The following RGS3 variants were observed in gnomAD, a reference collection of about 807,000 sequenced individuals.
RGS3 encodes regulator of G-protein signalling 3.
Under a neutral mutation model 132.6 loss-of-function variants are expected in RGS3, and 80 were observed. The ratio of observed to expected loss-of-function variants is 0.60; its 90% CI spans 0.50 to 0.73. The LOEUF is 0.73. RGS3 is among the 30% of genes least tolerant of loss of function. RGS3 has a pLI of 0.00. For missense variants in RGS3, 1,382 were observed against 1,530.8 expected, an observed-to-expected ratio of 0.90 and a Z score of 1.62; for synonymous variants, 598 against 620.6, an observed-to-expected ratio of 0.96 and a Z score of 0.54.
upstream of RGS3, among the ~76,000 whole-genome samples, chr9:113,455,849 C>T (rs551750083): frequency 3.3e-5 from 5 of 152,290 alleles, no homozygotes; most frequent in Non-Finnish European, 7.4e-5. Context: ...AGCATTCCAG[C>T]TGGTTAAATT....
chr9:113,515,323 CCTT>C (rs1404011329), intron 15 of RGS3, among the ~76,000 whole-genome samples: 2 of 151,532 alleles, frequency 1.3e-5, no homozygotes, highest in Admixed American at 6.6e-5. Context: ...ATTTATCTCT[CCTT>C]CTCTTTAAAA....
intron 3 of RGS3, among the ~76,000 whole-genome samples, chr9:113,465,069 C>T (rs1274080756): frequency 6.6e-6 from 1 of 151,776 alleles, no homozygotes; most frequent in Non-Finnish European, 1.5e-5. Flanking sequence ...ATTGCCATTC[C>T]TTATGCCAAG....
intron 19 of RGS3, among the ~76,000 whole-genome samples, chr9:113,575,095 A>G (rs1834452468): frequency 2.0e-5 from 3 of 152,128 alleles, no homozygotes; most frequent in Non-Finnish European, 2.9e-5. Flanking sequence ...CACCGTGCTG[A>G]AACCCAGACC....
chr9:113,503,762 C>T (rs1463319735), intron 10 of RGS3, among the ~76,000 whole-genome samples: 1 of 152,172 alleles, frequency 6.6e-6, no homozygotes, highest in Non-Finnish European at 1.5e-5. Context: ...TGAGGGTTGG[C>T]TTGTGAGGCC....
At chr9:113,483,180 C>A in intron 5 of RGS3, 63 bp downstream of exon 3, 3 of 1,189,220 alleles carry the variant, frequency 2.5e-6, no homozygotes, top group Non-Finnish European at 1.2e-6. Flanking sequence ...GGGCTCAGTC[C>A]CAAGGTCCCA....
At chr9:113,562,492 A>G (rs990942375) in intron 19 of RGS3, among the ~76,000 whole-genome samples, 1 of 152,038 alleles carries the variant, frequency 6.6e-6, no homozygotes, top group Non-Finnish European at 1.5e-5. Context: ...AAAAAAAAAA[A>G]AAAGAAATCA....
In RGS3 at chr9:113,591,638, G is replaced by A; in HGVS notation, c.3080+241G>A. 1 of 506,508 alleles carries A rather than the reference G, an allele frequency of 2.0e-6. No homozygotes were observed. The highest frequency in any genetic ancestry group is 2.3e-5 in the South Asian group (1 of 43,484). 31.4% of individuals were successfully genotyped at this position (506,508 alleles called of 1,614,324 possible). ...GCTGATTCAGTACCCGGAAGCCACA[G>A]TGAACCAGAAGCAACCAGCCCGTTT... On this transcript the variant is annotated intron_variant, in intron 21 of 24. Transcript: ENST00000350696. This position sits in a 1 kb window ranked among gnomAD's most constrained non-coding sequence, Gnocchi z 4.4.
At chr9:113,541,615 G>A in intron 19 of RGS3, 1 of 1,259,946 alleles carries the variant, frequency 7.9e-7, no homozygotes, top group Non-Finnish European at 1.0e-6. Flanking sequence ...GGTGTGAGAG[G>A]CCTTGTGGGC....
At chr9:113,454,349 T>G (rs559654344) in intron 1 of RGS3, among the ~76,000 whole-genome samples, 1 of 152,312 alleles carries the variant, frequency 6.6e-6, no homozygotes, top group East Asian at 1.9e-4. Context: ...GGTGCATGCC[T>G]GTAATCCCAG....
At chr9:113,568,841 C>T (rs1834125977) in intron 19 of RGS3, among the ~76,000 whole-genome samples, 1 of 152,224 alleles carries the variant, frequency 6.6e-6, no homozygotes, top group African/African-American at 2.4e-5. Flanking sequence ...CCTGCCCCTG[C>T]ACAACCAGCT....
rs754559526 is a variant in RGS3, at chr9:113,584,134, G to A, written c.2722G>A (p.Gly908Arg). The change falls in exon 20 of 25, where the codon GGA (glycine) becomes AGA (arginine). Residue 908 changes from glycine to arginine, a missense_variant. Transcript: ENST00000350696. ...TGAGGACACCAGCGATGACAACTAC[G>A]GAGAGCGCAGTGAGGCCAAGCGCAG... 49 of 1,614,132 alleles carry A rather than the reference G, an allele frequency of 3.0e-5. No individual in the cohort carries two copies. The highest frequency in any genetic ancestry group is 1.6e-4 in the Middle Eastern group (1 of 6,084).
In RGS3 at chr9:113,591,452, C is replaced by A; in HGVS notation, c.3080+55C>A. ...CTCCTCTTCCTCCCTTGCCCCAGGGCTTGTCTCTCCTCTAGGGGTCCAGGT... is the reference window on the plus strand; with the variant it reads ...CTCCTCTTCCTCCCTTGCCCCAGGGATTGTCTCTCCTCTAGGGGTCCAGGT... On this transcript the variant is annotated intron_variant, in intron 21 of 24. Transcript: ENST00000350696. This position sits in a 1 kb window ranked among gnomAD's most constrained non-coding sequence, Gnocchi z 4.4. The A allele has an allele frequency of 1.3e-6, 2 of 1,483,916 alleles. No homozygotes were observed. The highest frequency in any genetic ancestry group is 1.1e-5 in the South Asian group (1 of 88,390). The allele number at this position is 1,483,916 out of a possible 1,614,324, so 91.9% of individuals were successfully genotyped here. A position where few individuals can be genotyped will look rare whatever the true frequency, so the allele number is the denominator to read the frequency against.
intron 19 of RGS3, among the ~76,000 whole-genome samples, chr9:113,569,093 G>C (rs546924344): frequency 6.6e-6 from 1 of 152,328 alleles, no homozygotes; most frequent in African/African-American, 2.4e-5. Context: ...GGGCCAGCCC[G>C]CTTGCACCTG....
intron 3 of RGS3, among the ~76,000 whole-genome samples, chr9:113,464,621 G>A (rs1464634174): frequency 1.3e-5 from 2 of 152,200 alleles, no homozygotes; most frequent in Non-Finnish European, 2.9e-5. Context: ...AACTCTCTGT[G>A]GAGAGGGGTT....
chr9:113,512,952 T>C (rs1831471422), intron 14 of RGS3, among the ~76,000 whole-genome samples: 1 of 152,098 alleles, frequency 6.6e-6, no homozygotes, highest in South Asian at 2.1e-4. Flanking sequence ...ATCCCAGCAC[T>C]TTGGGAGGCT....
intron 20 of RGS3, among the ~76,000 whole-genome samples, chr9:113,584,731 C>T (rs887268492): frequency 1.3e-5 from 2 of 152,244 alleles, no homozygotes; most frequent in African/African-American, 4.8e-5. Flanking sequence ...TTTAAAAGAT[C>T]TGAGATAGTA....
In RGS3 at chr9:113,564,819, G is replaced by A. The variant is rs530089455; in HGVS notation, c.2038-18631G>A. On this transcript the variant is annotated intron_variant, in intron 19 of 24. Transcript: ENST00000350696. ...TGAAGCTGCCACCCCCCACCCTGGGGGCAGTCGCATTCTGGAAGTCAGCGT... is the reference window on the plus strand; with the variant it reads ...TGAAGCTGCCACCCCCCACCCTGGGAGCAGTCGCATTCTGGAAGTCAGCGT... The A allele has an allele frequency of 2.8e-4, 146 of 530,228 alleles. 1 individual carries two copies. The South Asian group carries it at 0.011, about 39-fold the overall frequency. 32.8% of individuals were successfully genotyped at this position (530,228 alleles called of 1,614,324 possible). A position where few individuals can be genotyped will look rare whatever the true frequency, so the allele number is the denominator to read the frequency against.
rs552381203 is a variant in RGS3 at position 113,579,123 on chromosome 9, G to C, written c.2038-4327G>C. On this transcript the variant is annotated intron_variant, in intron 19 of 24. Coordinates refer to ENST00000350696, the Ensembl canonical transcript of RGS3. This position sits in a 1 kb window ranked among gnomAD's most constrained non-coding sequence, Gnocchi z 4.3. ...GTTTTCGAGGGCAGATGCAGAGCCC[G>C]GCATCCGTGGTGGCTGTGATGAATC... Among the ~76,000 whole-genome samples, 1 of 152,174 alleles carries C rather than the reference G, an allele frequency of 6.6e-6. No homozygotes were observed. The highest frequency in any genetic ancestry group is 6.5e-5 in the Admixed American group (1 of 15,278).
intron 6 of RGS3, 130 bp downstream of exon 4, chr9:113,484,362 A>T (rs1830263929): frequency 1.8e-6 from 1 of 543,950 alleles, no homozygotes; most frequent in African/African-American, 2.1e-5. Flanking sequence ...AAAACAAAAA[A>T]AACCAGTGCC....
Sources: gnomAD v4.1 joint callset for allele counts (sites outside exome capture counted in the v4.1 genomes callset) on GRCh38, gnomAD v4.1.1 for gene constraint, Gnocchi (gnomAD v3.1) non-coding constraint, MANE v1.5 for transcripts, NCBI Gene and HGNC (gene_info 2026-07-23, HGNC 2026-07-21) for gene names.